The following ERCC8 variants were observed in gnomAD, a reference collection of about 807,000 sequenced individuals.
ERCC8 encodes the protein DNA excision repair protein ERCC-8.
ERCC8 carries 52 observed loss-of-function variants against 54.9 expected under a neutral mutation model. The ratio of observed to expected loss-of-function variants is 0.95; its 90% confidence interval spans 0.76 to 1.19. The LOEUF is 1.19. ERCC8 is among the 50% of genes most tolerant of loss of function. The probability of loss-of-function intolerance (pLI) is 0.00; values close to 1 mark genes in which losing one functional copy is unlikely to be tolerated. For synonymous variants in ERCC8, 146 were observed against 157.2 expected, an observed-to-expected ratio of 0.93 and a Z score of 0.53; for missense variants, 514 against 466.1, an observed-to-expected ratio of 1.10 and a Z score of -0.95.
intron 11 of ERCC8, among the ~76,000 whole-genome samples, chr5:60,879,125 T>C (rs1313189529): frequency 1.3e-5 from 2 of 152,244 alleles, no homozygotes; most frequent in African/African-American, 2.4e-5. Flanking sequence ...TTTCGTTATG[T>C]ACCCAGTAGT....
intron 2 of ERCC8, among the ~76,000 whole-genome samples, chr5:60,924,742 C>T (rs1749699750): frequency 6.6e-6 from 1 of 151,890 alleles, no homozygotes; most frequent in Non-Finnish European, 1.5e-5. Context: ...CTGTTCATTT[C>T]TTTTTGGCTT....
intron 7 of ERCC8, among the ~76,000 whole-genome samples, chr5:60,902,056 G>A (rs927452774): frequency 6.6e-6 from 1 of 152,022 alleles, no homozygotes; most frequent in African/African-American, 2.4e-5. Context: ...TGGCACGTGG[G>A]AGGAAGTCAT....
At chr5:60,914,846 T>C (rs986857678) in intron 4 of ERCC8, among the ~76,000 whole-genome samples, 8 of 151,934 alleles carry the variant, frequency 5.3e-5, no homozygotes, top group Admixed American at 5.3e-4. Flanking sequence ...TCGTATCTAT[T>C]GAGATGACTA....
rs1747912895 is a variant in ERCC8, at chr5:60,873,629, A to G, written c.*986T>C. Among the ~76,000 whole-genome samples the G allele has an allele frequency of 6.6e-6, 1 of 152,196 alleles. No homozygotes were observed. Reference sequence around the variant, plus strand: ...GAGGTGAAGGTTGCAGTGAGCTGAGATCAAAACACTGCACTCCGGCCTGAG... The same window carrying G: ...GAGGTGAAGGTTGCAGTGAGCTGAGGTCAAAACACTGCACTCCGGCCTGAG... On this transcript the variant is annotated 3_prime_UTR_variant, in exon 12 of 12. Coordinates refer to ENST00000676185, the MANE Select transcript of ERCC8 (RefSeq NM_000082.4).
intron 11 of ERCC8, among the ~76,000 whole-genome samples, chr5:60,881,127 C>T (rs1266242895): frequency 6.7e-6 from 1 of 149,998 alleles, no homozygotes; most frequent in African/African-American, 2.5e-5. Flanking sequence ...GCTGGAGGTC[C>T]CCTCCAGACC....
intron 6 of ERCC8, 99 bp downstream of exon 6, chr5:60,903,549 A>T: frequency 6.4e-7 from 1 of 1,569,516 alleles, no homozygotes; most frequent in Non-Finnish European, 8.7e-7. Flanking sequence ...CACAAAGTAC[A>T]TTAGTCATGT....
chr5:60,925,973 G>A (rs550692862), intron 2 of ERCC8, among the ~76,000 whole-genome samples: 3 of 152,116 alleles, frequency 2.0e-5, no homozygotes, highest in Non-Finnish European at 4.4e-5. Flanking sequence ...ACGGGCACGC[G>A]CCACTGCACC....
chr5:60,904,931 A>C (rs1749027825), intron 4 of ERCC8, 58 bp from the exon 5 acceptor site: 1 of 881,348 alleles, frequency 1.1e-6, no homozygotes, highest in South Asian at 1.4e-5. Flanking sequence ...CAAAGCAATA[A>C]ATTTTCTATT....
At chr5:60,925,653 G>A (rs909907577) in intron 2 of ERCC8, among the ~76,000 whole-genome samples, 1 of 152,120 alleles carries the variant, frequency 6.6e-6, no homozygotes, top group Non-Finnish European at 1.5e-5. Context: ...AGATCTTTTA[G>A]TTGTCAGTGG....
intron 10 of ERCC8, 108 bp downstream of exon 10, chr5:60,890,781 G>C: frequency 1.2e-6 from 1 of 804,024 alleles, no homozygotes; most frequent in Non-Finnish European, 2.1e-6. Flanking sequence ...CTACAAATGT[G>C]GATTAAAAGC....
intron 10 of ERCC8, 107 bp downstream of exon 10, chr5:60,890,782 G>T: frequency 1.2e-6 from 1 of 816,350 alleles, no homozygotes; most frequent in Non-Finnish European, 2.0e-6. Context: ...TACAAATGTG[G>T]ATTAAAAGCA....
In ERCC8 at chr5:60,881,600, G is replaced by A. The variant is rs559824753; in HGVS notation, c.1122+5840C>T. 3.9e-5 allele frequency among the ~76,000 whole-genome samples: 6 copies of A among 152,322 alleles called. No homozygotes were observed. The East Asian group carries it at 1.2e-3, about 29-fold the overall frequency. On this transcript the variant is annotated intron_variant, in intron 11 of 11. Coordinates refer to ENST00000676185, the MANE Select transcript of ERCC8 (RefSeq NM_000082.4). ...CAGCCTGGCTGCCGCCTTGCAGTTT[G>A]ATCTCAGACTGCTGTGCTAGCAATG...
At chr5:60,894,590 G>A (rs1176192404) in intron 9 of ERCC8, among the ~76,000 whole-genome samples, 1 of 150,658 alleles carries the variant, frequency 6.6e-6, no homozygotes, top group Non-Finnish European at 1.5e-5. Context: ...GTAGTGTGCA[G>A]GCTCAGCAGT....
intron 10 of ERCC8, among the ~76,000 whole-genome samples, chr5:60,888,963 G>A (rs1387929132): frequency 2.0e-5 from 3 of 152,174 alleles, no homozygotes; most frequent in East Asian, 1.9e-4. Context: ...GCACTTAGTC[G>A]TCAAGTCTCT....
chr5:60,903,827 T>C (rs936460240), intron 5 of ERCC8, 111 bp from the exon 6 acceptor site: 3 of 1,004,986 alleles, frequency 3.0e-6, no homozygotes, highest in Non-Finnish European at 4.6e-6. Context: ...TGCAGAAATA[T>C]GAAGATATAT....
intron 1 of ERCC8, among the ~76,000 whole-genome samples, chr5:60,936,808 T>C (rs1189297282): frequency 1.3e-5 from 2 of 152,230 alleles, no homozygotes; most frequent in Non-Finnish European, 2.9e-5. Flanking sequence ...TGTGAATCCT[T>C]TTCCCCTAAG....
intron 11 of ERCC8, among the ~76,000 whole-genome samples, chr5:60,884,523 G>GTTT (rs71606648): frequency 0.19 from 23,943 of 127,794 alleles, 2,504 homozygotes; most frequent in Non-Finnish European, 0.26. Context: ...GTGTGTATGT[G>GTTT]TTTTTTTTTT....
At position 60,943,001 on chromosome 5, in the gene ERCC8, T is replaced by C. The variant is rs113790817; in HGVS notation, c.77+1931A>G. 2.4e-3 allele frequency among the ~76,000 whole-genome samples: 365 copies of C among 152,270 alleles called. 8 individuals are homozygous for C. The highest frequency in any genetic ancestry group is 8.5e-3 in the African/African-American group (355 of 41,546). On this transcript the variant is annotated intron_variant, in intron 1 of 11. Coordinates refer to ENST00000676185, the MANE Select transcript of ERCC8 (RefSeq NM_000082.4). ...TTTAAAAAAATTTTAGGCTGTGTGGTAGCTCGCACATATAATCCCGGCACT... is the reference window on the plus strand; with the variant it reads ...TTTAAAAAAATTTTAGGCTGTGTGGCAGCTCGCACATATAATCCCGGCACT...
chr5:60,928,844 T>A lies in ERCC8; in HGVS notation c.173+20A>T. ...TTTCACTTAGAAAGAAAAATGATTA[T>A]ACAAGTATAATAAACTTACTATCTC... On this transcript the variant is annotated intron_variant, in intron 2 of 11. Coordinates refer to ENST00000676185, the MANE Select transcript of ERCC8 (RefSeq NM_000082.4). 1 of 1,350,580 alleles carries A rather than the reference T, an allele frequency of 7.4e-7. No individual in the cohort carries two copies. Among genetic ancestry groups the A allele is most frequent in the Non-Finnish European group, 1.1e-6 (1 of 942,842 alleles). 83.7% of individuals were successfully genotyped at this position (1,350,580 alleles called of 1,614,324 possible).
Sources: gnomAD v4.1 joint callset for allele counts (sites outside exome capture counted in the v4.1 genomes callset) on GRCh38, gnomAD v4.1.1 for gene constraint, MANE v1.5 for transcripts, NCBI Gene and HGNC (gene_info 2026-07-23, HGNC 2026-07-21) for gene names.